The following ZMYM4 variants were observed in gnomAD, a reference collection of about 807,000 sequenced individuals.
ZMYM4 encodes the protein zinc finger MYM-type protein 4.
In ZMYM4, 31 loss-of-function variants were observed where a neutral mutation model predicts 183.2. The ratio of observed to expected loss-of-function variants is 0.17; its 90% CI spans 0.13 to 0.23. The LOEUF is 0.23. Ranked by LOEUF, ZMYM4 falls within the 10% of genes least tolerant of loss-of-function variation. The probability of loss-of-function intolerance (pLI) is 1.00; values close to 1 mark genes in which losing one functional copy is unlikely to be tolerated. For missense variants in ZMYM4, 1,273 were observed against 1,840.3 expected (o/e 0.69, Z 5.64); for synonymous variants, 592 against 631.2 (o/e 0.94, Z 0.93).
chr1:35,284,910 A>G (rs1640395542), intron 1 of ZMYM4, among the ~76,000 whole-genome samples: 1 of 152,084 alleles, frequency 6.6e-6, no homozygotes, highest in South Asian at 2.1e-4. Context: ...CCCCTCTCCA[A>G]GTATTATTAC....
At position 35,420,368 on chromosome 1, in the gene ZMYM4, T is replaced by G. The variant is rs1390343501; in HGVS notation, c.*691T>G. ...GCGGTGGGTCTGGATGTGGGTAAACTAAGGTAAAGGGGATGATATTCCACA... is the reference window on the plus strand; with the variant it reads ...GCGGTGGGTCTGGATGTGGGTAAACGAAGGTAAAGGGGATGATATTCCACA... On this transcript the variant is annotated 3_prime_UTR_variant, in exon 30 of 30. Coordinates refer to ENST00000314607, the MANE Select transcript of ZMYM4 (RefSeq NM_005095.3). 1.3e-5 allele frequency: 2 copies of G among 152,598 alleles called. No individual in the cohort carries two copies. Among genetic ancestry groups the G allele is most frequent in the African/African-American group, 2.4e-5 (1 of 41,416 alleles). 9.5% of individuals were successfully genotyped at this position (152,598 alleles called of 1,614,324 possible).
chr1:35,383,338 A>C (rs1644506907), intron 9 of ZMYM4, among the ~76,000 whole-genome samples: 1 of 152,096 alleles, frequency 6.6e-6, no homozygotes, highest in African/African-American at 2.4e-5. Flanking sequence ...ATGTAAGTGC[A>C]TTTGCTAATC....
chr1:35,354,726 TTAAAAAAAAAAAA>T (rs1643751527), intron 2 of ZMYM4, among the ~76,000 whole-genome samples: 1 of 105,758 alleles, frequency 9.5e-6, no homozygotes, highest in Non-Finnish European at 1.6e-5. Flanking sequence ...AACTTTGTCT[TTAAAAAAAAAAAA>T]AAAAAAAAAA....
intron 1 of ZMYM4, among the ~76,000 whole-genome samples, chr1:35,293,551 A>G (rs993513979): frequency 1.3e-5 from 2 of 152,210 alleles, no homozygotes; most frequent in Non-Finnish European, 2.9e-5. Flanking sequence ...TCCTGACCTC[A>G]GGTGATCCAC....
intron 2 of ZMYM4, among the ~76,000 whole-genome samples, chr1:35,343,093 T>C (rs543296475): frequency 6.6e-6 from 1 of 152,316 alleles, no homozygotes; most frequent in East Asian, 1.9e-4. Flanking sequence ...TGTATTTCTC[T>C]CTCCGTATCC....
At chr1:35,348,020 A>G (rs1033343392) in intron 2 of ZMYM4, among the ~76,000 whole-genome samples, 1 of 152,158 alleles carries the variant, frequency 6.6e-6, no homozygotes, top group African/African-American at 2.4e-5. Context: ...AGATACCTCT[A>G]ATCTTCTTGA....
Position 35,268,963 on chromosome 1 carries a change from C to T in ZMYM4, c.-84C>T. On this transcript the variant is annotated 5_prime_UTR_variant, in exon 1 of 30. Coordinates refer to ENST00000314607, the MANE Select transcript of ZMYM4 (RefSeq NM_005095.3). ...GGAAGCTGCCGCGAGGCGGCCGTGCCTGCAGTGTGGGCGGGGGCCGGGGGG... is the reference window on the plus strand; with the variant it reads ...GGAAGCTGCCGCGAGGCGGCCGTGCTTGCAGTGTGGGCGGGGGCCGGGGGG... The T allele has an allele frequency of 2.8e-6, 4 of 1,430,092 alleles. No individual in the cohort carries two copies. Among genetic ancestry groups the T allele is most frequent in the Non-Finnish European group, 3.7e-6 (4 of 1,086,530 alleles). 88.6% of individuals were successfully genotyped at this position (1,430,092 alleles called of 1,614,324 possible).
At chr1:35,289,226 T>C (rs59907644) in intron 1 of ZMYM4, among the ~76,000 whole-genome samples, 14,145 of 152,228 alleles carry the variant, frequency 0.093, 1,777 homozygotes, top group African/African-American at 0.28. Context: ...AAAGATTCTT[T>C]TGGCTCCTGT....
At chr1:35,324,923 A>C (rs1009230882) in intron 1 of ZMYM4, among the ~76,000 whole-genome samples, 1 of 152,096 alleles carries the variant, frequency 6.6e-6, no homozygotes, top group Non-Finnish European at 1.5e-5. Flanking sequence ...AACAGGCCTC[A>C]CTTTCAATTT....
chr1:35,288,005 A>G (rs1223105766), intron 1 of ZMYM4, among the ~76,000 whole-genome samples: 1 of 152,106 alleles, frequency 6.6e-6, no homozygotes, highest in East Asian at 1.9e-4. Context: ...TATTCTTCAC[A>G]TATTATCTCT....
At chr1:35,355,048 A>AT (rs1195099347) in intron 2 of ZMYM4, among the ~76,000 whole-genome samples, 1 of 151,178 alleles carries the variant, frequency 6.6e-6, no homozygotes, top group Non-Finnish European at 1.5e-5. Context: ...TTTATTTTTT[A>AT]TTTTTGAGAC....
intron 11 of ZMYM4, among the ~76,000 whole-genome samples, 158 bp from the exon 12 acceptor site, chr1:35,386,845 T>C (rs2148979650): frequency 6.6e-6 from 1 of 152,230 alleles, no homozygotes; most frequent in East Asian, 1.9e-4. Flanking sequence ...TAAATGAGAC[T>C]CCCCCCATTC....
Position 35,389,857 on chromosome 1 carries a change from A to T in ZMYM4, c.2437-91A>T. 2 of 1,355,506 alleles carry T rather than the reference A, an allele frequency of 1.5e-6. No homozygotes were observed. Among genetic ancestry groups the T allele is most frequent in the Non-Finnish European group, 1.0e-6 (1 of 997,658 alleles). The allele number at this position is 1,355,506 out of a possible 1,614,324, so 84.0% of individuals were successfully genotyped here. A position where few individuals can be genotyped will look rare whatever the true frequency, so the allele number is the denominator to read the frequency against. ...AATTTTTTGATCTAAATTCTAAGTT[A>T]ATTTCGTCACTTGTTATGTGTGTCT... On this transcript the variant is annotated intron_variant, in intron 14 of 29. Transcript: ENST00000314607. This position sits in a 1 kb window ranked among gnomAD's most constrained non-coding sequence, Gnocchi z 4.0.
intron 28 of ZMYM4, among the ~76,000 whole-genome samples, chr1:35,418,183 T>C (rs1398467867): frequency 6.6e-6 from 1 of 152,172 alleles, no homozygotes; most frequent in East Asian, 1.9e-4. Flanking sequence ...TGCCATACTT[T>C]TTGTCATGGT....
At position 35,370,094 on chromosome 1, in the gene ZMYM4, A is replaced by G; in HGVS notation, c.906A>G (p.Ser302=). The G allele has an allele frequency of 6.2e-7, 1 of 1,613,464 alleles. No homozygotes were observed. The change falls in exon 6 of 30, where the codon TCA becomes TCG. Residue 302 remains serine, a synonymous_variant. Coordinates refer to ENST00000314607, the MANE Select transcript of ZMYM4 (RefSeq NM_005095.3). ...EGELKISAVF[S]VSGSPLAPQL... ...AACTGAAAATTAGTGCTGTGTTTTC[A>G]GTCAGTGGCAGCCCTCTTGGTAAGA...
intron 2 of ZMYM4, among the ~76,000 whole-genome samples, chr1:35,329,862 A>C (rs1314387241): frequency 6.6e-6 from 1 of 152,164 alleles, no homozygotes; most frequent in Non-Finnish European, 1.5e-5. Flanking sequence ...CCCTTTAAAA[A>C]TTCTAATAAT....
Position 35,349,830 on chromosome 1 carries a change from TA to T in ZMYM4, c.86-9077del, listed in dbSNP as rs80243856. ...GGGAGACAGAGCCAGACTCTGTCTT[TA>T]AAAAAAAAAAAAAAAAAGTTTCTGT... On this transcript the variant is annotated intron_variant, in intron 2 of 29. Coordinates refer to ENST00000314607, the MANE Select transcript of ZMYM4 (RefSeq NM_005095.3). Among the ~76,000 whole-genome samples the T allele has an allele frequency of 8.6e-3, 1,103 of 128,406 alleles. 5 individuals are homozygous for T. Among genetic ancestry groups the T allele is most frequent in the African/African-American group, 0.013 (467 of 35,006 alleles). 84.2% of individuals were successfully genotyped at this position (128,406 alleles called of 152,430 possible). A position where few individuals can be genotyped will look rare whatever the true frequency, so the allele number is the denominator to read the frequency against.
intron 1 of ZMYM4, among the ~76,000 whole-genome samples, chr1:35,309,255 G>A (rs1294374018): frequency 1.3e-5 from 2 of 152,128 alleles, no homozygotes; most frequent in Admixed American, 6.6e-5. Context: ...TTTATTCTTT[G>A]AATGCATTTT....
At chr1:35,296,011 T>G (rs1640989173) in intron 1 of ZMYM4, 1 of 152,186 alleles carries the variant, frequency 6.6e-6, no homozygotes, top group Admixed American at 6.5e-5. Context: ...TGTCCTTATC[T>G]TTGGGGTTAA....
Sources: gnomAD v4.1 joint callset for allele counts (sites outside exome capture counted in the v4.1 genomes callset) on GRCh38, gnomAD v4.1.1 for gene constraint, Gnocchi (gnomAD v3.1) non-coding constraint, MANE v1.5 for transcripts, NCBI Gene and HGNC (gene_info 2026-07-23, HGNC 2026-07-21) for gene names.